BRMS1L: variants seen among roughly 807,000 people sequenced by gnomAD.
The protein encoded by BRMS1L is breast cancer metastasis-suppressor 1-like protein.
BRMS1L carries 23 observed loss-of-function variants against 50.3 expected under a neutral mutation model. The observed-to-expected ratio is 0.46, with a 90% CI of 0.33 to 0.65. The LOEUF (loss-of-function observed/expected upper bound fraction) is 0.65. BRMS1L is among the 30% of genes least tolerant of loss of function. BRMS1L has a pLI of 0.02. For missense variants in BRMS1L, 286 were observed against 386.1 expected, an observed-to-expected ratio of 0.74 and a Z score of 2.17; for synonymous variants, 114 against 126.9, an observed-to-expected ratio of 0.90 and a Z score of 0.69.
At chr14:35,857,250 AAT>A (rs1555315173) in intron 4 of BRMS1L, among the ~76,000 whole-genome samples, 5 of 147,022 alleles carry the variant, frequency 3.4e-5, no homozygotes, top group Admixed American at 1.4e-4. Context: ...CAAAAAAAAA[AAT>A]ATATATATAT....
intron 3 of BRMS1L, 115 bp from the exon 4 acceptor site, chr14:35,834,729 T>C (rs532819409): frequency 1.7e-6 from 1 of 582,258 alleles, no homozygotes; most frequent in East Asian, 3.5e-5. Flanking sequence ...AGACTCACTT[T>C]TCAATTTTTT....
intron 4 of BRMS1L, among the ~76,000 whole-genome samples, chr14:35,837,437 G>T (rs898009055): frequency 3.3e-5 from 5 of 151,930 alleles, no homozygotes; most frequent in African/African-American, 1.2e-4. Flanking sequence ...TATTCCATAT[G>T]TTTCATTTGT....
In BRMS1L at chr14:35,862,641, A is replaced by G; in HGVS notation, c.493A>G (p.Ile165Val). 1 of 1,612,178 alleles carries G rather than the reference A, an allele frequency of 6.2e-7. No homozygotes were observed. Among genetic ancestry groups the G allele is most frequent in the Non-Finnish European group, 8.5e-7 (1 of 1,178,920 alleles). Residue 165 changes from isoleucine (I) to valine (V), a missense_variant, in exon 5 of 10, where the codon ATA becomes GTA. Ile to Val is a conservative substitution (Grantham distance 29). Coordinates refer to ENST00000216807, the MANE Select transcript of BRMS1L (RefSeq NM_032352.4). The part of the protein sequence containing the change: ...DTVQSELEEK[I>V]RRLEEDRHSI... ...AGTCCAGAGTGAACTAGAGGAGAAG[A>G]TAAGAAGGCTTGAAGAGGATAGGCA...
chr14:35,867,900 C>T lies in BRMS1L; in HGVS notation c.728-6C>T. ...AATATAACAGTTTTTGAACTGATCC[C>T]TTTAGCACCTGTGAAACTGGAAAAA... On this transcript the variant is annotated splice_polypyrimidine_tract_variant and splice_region_variant and intron_variant, in intron 8 of 9. Transcript: ENST00000216807. The T allele has an allele frequency of 6.3e-7, 1 of 1,590,684 alleles. No individual in the cohort carries two copies. Among genetic ancestry groups the T allele is most frequent in the Non-Finnish European group, 8.5e-7 (1 of 1,173,164 alleles).
intron 1 of BRMS1L, among the ~76,000 whole-genome samples, chr14:35,828,574 A>G (rs1294787682): frequency 6.6e-6 from 1 of 150,998 alleles, no homozygotes; most frequent in Non-Finnish European, 1.5e-5. Flanking sequence ...CCAGGGTACA[A>G]GCAATTCTCC....
chr14:35,826,735 G>A, intron 1 of BRMS1L, 77 bp downstream of exon 1: 1 of 1,562,882 alleles, frequency 6.4e-7, no homozygotes, highest in Non-Finnish European at 8.6e-7. Flanking sequence ...CCAGGCGGCT[G>A]CGTCCTGCTG....
chr14:35,831,636 A>G (rs2077920600), intron 2 of BRMS1L, 136 bp downstream of exon 2: 1 of 653,422 alleles, frequency 1.5e-6, no homozygotes, highest in Non-Finnish European at 2.7e-6. Context: ...GGCTTCAACT[A>G]TTGTTTGTCT....
At chr14:35,869,995 T>G (rs1418175461) in intron 9 of BRMS1L, among the ~76,000 whole-genome samples, 1 of 152,036 alleles carries the variant, frequency 6.6e-6, no homozygotes, top group Non-Finnish European at 1.5e-5. Context: ...GAGATTAGCA[T>G]TTGAAAGATA....
At chr14:35,843,984 T>C (rs946564592) in intron 4 of BRMS1L, among the ~76,000 whole-genome samples, 4 of 152,170 alleles carry the variant, frequency 2.6e-5, no homozygotes, top group Admixed American at 2.0e-4. Context: ...TTGTTTACAC[T>C]GTGAGGGGAA....
At chr14:35,829,103 G>A (rs927363356) in intron 1 of BRMS1L, among the ~76,000 whole-genome samples, 20 of 151,880 alleles carry the variant, frequency 1.3e-4, no homozygotes, top group African/African-American at 4.3e-4. Context: ...CAACACACCC[G>A]GCTAATTTTT....
chr14:35,868,459 T>C (rs2078448816), intron 9 of BRMS1L, among the ~76,000 whole-genome samples: 1 of 152,038 alleles, frequency 6.6e-6, no homozygotes, highest in African/African-American at 2.4e-5. Flanking sequence ...AAATGGAAAA[T>C]TAATAAAACC....
chr14:35,866,109 A>T (rs1366139590), intron 8 of BRMS1L: 4 of 193,974 alleles, frequency 2.1e-5, no homozygotes, highest in Non-Finnish European at 4.1e-5. Context: ...CTCTGAAATT[A>T]TGTGCAAAAT....
intron 1 of BRMS1L, among the ~76,000 whole-genome samples, chr14:35,828,386 C>G (rs1179815594): frequency 6.6e-6 from 1 of 150,864 alleles, no homozygotes; most frequent in Non-Finnish European, 1.5e-5. Flanking sequence ...GTTGTCCAGG[C>G]TGGTCTCGAA....
chr14:35,853,308 T>A (rs1168634165), intron 4 of BRMS1L, among the ~76,000 whole-genome samples: 1 of 152,192 alleles, frequency 6.6e-6, no homozygotes, highest in Non-Finnish European at 1.5e-5. Flanking sequence ...GATGATTTTT[T>A]AAAAATCCAT....
At chr14:35,855,637 C>T (rs781285557) in intron 4 of BRMS1L, among the ~76,000 whole-genome samples, 1 of 152,070 alleles carries the variant, frequency 6.6e-6, no homozygotes. Context: ...TGTGGCCTGA[C>T]ATTTTTATGT....
At chr14:35,835,283 A>G (rs530652525) in intron 4 of BRMS1L, among the ~76,000 whole-genome samples, 2 of 152,366 alleles carry the variant, frequency 1.3e-5, no homozygotes, top group African/African-American at 4.8e-5. Flanking sequence ...GTTGGGCTAT[A>G]GAATTAGTTT....
rs755773558 is a variant in BRMS1L, at chr14:35,834,909, C to T, written c.427C>T (p.Arg143Cys). The T allele has an allele frequency of 7.5e-6, 12 of 1,592,242 alleles. No homozygotes were observed. Among genetic ancestry groups the T allele is most frequent in the Non-Finnish European group, 1.0e-5 (12 of 1,169,752 alleles). Residue 143 changes from arginine (R) to cysteine (C), a missense_variant, in exon 4 of 10, where the codon CGC becomes TGC. Physicochemically the swap from Arg to Cys is radical, Grantham distance 180. Around this residue, in one of 5 missense-constraint regions of BRMS1L, gnomAD observed 160 missense variants for 240.6 expected, o/e 0.66. Coordinates refer to ENST00000216807, the MANE Select transcript of BRMS1L (RefSeq NM_032352.4). ...NKYECEIQAS[R>C]QHCESEKLLL... The stretch of plus-strand genomic sequence containing the variant: ...ATATGAATGTGAAATTCAAGCTTCT[C>T]GCCAGCATTGTGAGGTACTGTCATT...
rs2078477452 is a variant in BRMS1L at position 35,870,485 on chromosome 14, TTAAG to T, written c.*10_*13del. 1 of 1,531,924 alleles carries T rather than the reference TTAAG, an allele frequency of 6.5e-7. No individual in the cohort carries two copies. Among genetic ancestry groups the T allele is most frequent in the South Asian group, 1.2e-5 (1 of 86,094 alleles). The allele number at this position is 1,531,924 out of a possible 1,614,324, so 94.9% of individuals were successfully genotyped here. On this transcript the variant is annotated 3_prime_UTR_variant, in exon 10 of 10. Coordinates refer to ENST00000216807, the MANE Select transcript of BRMS1L (RefSeq NM_032352.4). Reference sequence around the variant, plus strand: ...TCAATTAAACATTCATAATCATGATTTAAGTGTTATCTAAATTTACCTTATTAGT... The same window carrying T: ...TCAATTAAACATTCATAATCATGATTTGTTATCTAAATTTACCTTATTAGT...
At position 35,850,544 on chromosome 14, in the gene BRMS1L, C is replaced by T. The variant is rs541393116; in HGVS notation, c.442-12046C>T. ...TGTTGTTTTCATTGCTGTGCAGAAACTTTTTAGTTTTGGTAGTCTCACTTG... is the reference window on the plus strand; with the variant it reads ...TGTTGTTTTCATTGCTGTGCAGAAATTTTTTAGTTTTGGTAGTCTCACTTG... On this transcript the variant is annotated intron_variant, in intron 4 of 9. Coordinates refer to ENST00000216807, the MANE Select transcript of BRMS1L (RefSeq NM_032352.4). Among the ~76,000 whole-genome samples, 67 of 152,262 alleles carry T rather than the reference C, an allele frequency of 4.4e-4. 3 individuals are homozygous for T. In the South Asian group the frequency reaches 5.0e-3, roughly 11 times the overall value.
Sources: gnomAD v4.1 joint callset for allele counts (sites outside exome capture counted in the v4.1 genomes callset) on GRCh38, gnomAD v4.1.1 for gene constraint, gnomAD v4.1.1 regional missense constraint, MANE v1.5 for transcripts, NCBI Gene and HGNC (gene_info 2026-07-23, HGNC 2026-07-21) for gene names.